Variants in CAPN2 observed in about 807,000 individuals in gnomAD.
The protein encoded by CAPN2 is calpain 2, also known as calpain-2 catalytic subunit.
Under a neutral mutation model 102.3 loss-of-function variants are expected in CAPN2, and 92 were observed. The ratio of observed to expected loss-of-function variants is 0.90; its 90% CI spans 0.76 to 1.07. The LOEUF (loss-of-function observed/expected upper bound fraction) is 1.07, where lower values mean the gene tolerates loss of function less well. Among genes scored for constraint, CAPN2 ranks in the 50% least tolerant of loss-of-function variants. The pLI, the probability that CAPN2 is intolerant of heterozygous loss-of-function variation, is 0.00. For synonymous variants in CAPN2, 340 were observed against 355.4 expected, an observed-to-expected ratio of 0.96 and a Z score of 0.49; for missense variants, 800 against 909.4, an observed-to-expected ratio of 0.88 and a Z score of 1.55.
chr1:223,703,729 A>G (rs999652638), intron 1 of CAPN2, among the ~76,000 whole-genome samples: 1 of 152,218 alleles, frequency 6.6e-6, no homozygotes, highest in African/African-American at 2.4e-5. Context: ...CTTACCCCCA[A>G]TAAGTCTCTT....
chr1:223,721,820 G>A (rs776384102), intron 2 of CAPN2, among the ~76,000 whole-genome samples: 1 of 152,210 alleles, frequency 6.6e-6, no homozygotes, highest in African/African-American at 2.4e-5. Context: ...TTCTTCTTCT[G>A]TGAAATGGGA....
intron 20 of CAPN2, among the ~76,000 whole-genome samples, chr1:223,773,923 A>C (rs1661547617): frequency 6.6e-6 from 1 of 152,062 alleles, no homozygotes; most frequent in Non-Finnish European, 1.5e-5. Context: ...AGACCCAGCT[A>C]CCCAGGAGGC....
chr1:223,755,206 ATCTCCCACTG>A lies in CAPN2; in HGVS notation c.1136-265_1136-256del, dbSNP rs1178969254. Among the ~76,000 whole-genome samples the A allele has an allele frequency of 6.6e-6, 1 of 150,414 alleles. No homozygotes were observed. Among genetic ancestry groups the A allele is most frequent in the Non-Finnish European group, 1.5e-5 (1 of 67,636 alleles). On this transcript the variant is annotated intron_variant, in intron 9 of 20. Coordinates refer to ENST00000295006, the MANE Select transcript of CAPN2 (RefSeq NM_001748.5). This position sits in a 1 kb window ranked among gnomAD's most constrained non-coding sequence, Gnocchi z 4.1. The stretch of plus-strand genomic sequence containing the variant: ...CTGCCATCCTCTGCCATCTCCCACC[ATCTCCCACTG>A]TCTCCCACAGCCTCCCACCGCCTCT...
chr1:223,722,281 C>CTTTTTTTTTTTTTTTTTTTTTTTTTTT (rs34894876), intron 2 of CAPN2, among the ~76,000 whole-genome samples: 1 of 85,514 alleles, frequency 1.2e-5, no homozygotes, highest in African/African-American at 4.3e-5. Context: ...TTCTTTCTTT[C>CTTTTTTTTTTTTTTTTTTTTTTTTTTT]TTTTTTTTTT....
At chr1:223,736,392 G>A (rs1571794758) in intron 2 of CAPN2, among the ~76,000 whole-genome samples, 2 of 152,366 alleles carry the variant, frequency 1.3e-5, no homozygotes, top group South Asian at 2.1e-4. Flanking sequence ...GTGGGAAGGT[G>A]ACAGAATCAA....
intron 12 of CAPN2, among the ~76,000 whole-genome samples, 185 bp from the exon 13 acceptor site, chr1:223,761,396 T>G (rs1306877594): frequency 6.6e-6 from 1 of 152,044 alleles, no homozygotes; most frequent in Non-Finnish European, 1.5e-5. Context: ...GCAGAAAAAT[T>G]TTTGCTTTTT....
rs1197690835 is a variant in CAPN2, at chr1:223,754,944, T to G, written c.1136-536T>G. Among the ~76,000 whole-genome samples, 1 of 152,136 alleles carries G rather than the reference T, an allele frequency of 6.6e-6. No homozygotes were observed. Among genetic ancestry groups the G allele is most frequent in the East Asian group, 1.9e-4 (1 of 5,182 alleles). On this transcript the variant is annotated intron_variant, in intron 9 of 20. Coordinates refer to ENST00000295006, the MANE Select transcript of CAPN2 (RefSeq NM_001748.5). This position sits in a 1 kb window ranked among gnomAD's most constrained non-coding sequence, Gnocchi z 4.7. ...GGGGAAGCCACAGCTCTAACCACCC[T>G]GCGTTCCAGAGTGACAGACCAGTCC...
chr1:223,737,859 G>T (rs1381555062), intron 2 of CAPN2, among the ~76,000 whole-genome samples: 1 of 152,040 alleles, frequency 6.6e-6, no homozygotes, highest in Non-Finnish European at 1.5e-5. Flanking sequence ...CACCTTAGGG[G>T]CTACAGATGG....
At chr1:223,753,902 C>G (rs748642431) in intron 9 of CAPN2, among the ~76,000 whole-genome samples, 1 of 152,096 alleles carries the variant, frequency 6.6e-6, no homozygotes, top group Non-Finnish European at 1.5e-5. Context: ...ATTCCAAAAT[C>G]CAAAAAAATC....
rs1047448727 is a variant in CAPN2, at chr1:223,775,796, T to A, written c.*939T>A. On this transcript the variant is annotated 3_prime_UTR_variant, in exon 21 of 21. Transcript: ENST00000295006. ...ATTTTGCCTTGTTGCCTTATCTTCT[T>A]CCAAATGTACTGTTAAATAAAAATA... is the stretch of plus-strand genomic sequence containing the variant. 6.6e-6 allele frequency: 1 copy of A among 152,570 alleles called. No homozygotes were observed. Among genetic ancestry groups the A allele is most frequent in the African/African-American group, 2.4e-5 (1 of 41,432 alleles). The allele number at this position is 152,570 out of a possible 1,614,324, so 9.5% of individuals were successfully genotyped here.
intron 2 of CAPN2, among the ~76,000 whole-genome samples, chr1:223,721,262 A>T (rs1260357595): frequency 1.3e-5 from 2 of 152,182 alleles, no homozygotes; most frequent in African/African-American, 2.4e-5. Flanking sequence ...CCACTGGCTG[A>T]CCCTGCAGCT....
At chr1:223,707,201 G>T (rs1471483212) in intron 1 of CAPN2, among the ~76,000 whole-genome samples, 1 of 151,870 alleles carries the variant, frequency 6.6e-6, no homozygotes, top group African/African-American at 2.4e-5. Flanking sequence ...CATTGCCATG[G>T]CCCTCTGAGA....
At chr1:223,764,091 C>G (rs977851856) in intron 14 of CAPN2, 59 bp from the exon 15 acceptor site, 6 of 1,380,064 alleles carry the variant, frequency 4.3e-6, no homozygotes, top group Non-Finnish European at 6.2e-6. Context: ...GTGTCCTGCC[C>G]TGTGCTCATC....
chr1:223,746,891 G>A, intron 4 of CAPN2, 106 bp from the exon 5 acceptor site: 1 of 945,298 alleles, frequency 1.1e-6, no homozygotes, highest in Middle Eastern at 2.9e-4. Flanking sequence ...TGTGAGCAGG[G>A]GGTCCCTGGA....
rs982840064 is a variant in CAPN2, at chr1:223,726,367, G to A, written c.307+8536G>A. Among the ~76,000 whole-genome samples, 1 of 152,186 alleles carries A rather than the reference G, an allele frequency of 6.6e-6. No homozygotes were observed. The highest frequency in any genetic ancestry group is 6.5e-5 in the Admixed American group (1 of 15,278). On this transcript the variant is annotated intron_variant, in intron 2 of 20. Transcript: ENST00000295006. The surrounding 1 kb of genome is among the most constrained non-coding windows in gnomAD (Gnocchi z 4.4). ...TCAGGAAGGAGCAGCCACCTCTGCT[G>A]GGGTACTGGAGATAAAAACTCTGAT...
At chr1:223,745,571 G>C (rs539124793) in intron 4 of CAPN2, 132 bp downstream of exon 4, 3 of 926,932 alleles carry the variant, frequency 3.2e-6, no homozygotes, top group African/African-American at 3.2e-5. Flanking sequence ...AGGAGTTCGA[G>C]ACCAGCCTGG....
chr1:223,763,084 A>C (rs1011536341), intron 14 of CAPN2, among the ~76,000 whole-genome samples: 2 of 151,874 alleles, frequency 1.3e-5, no homozygotes, highest in Non-Finnish European at 2.9e-5. Flanking sequence ...CAGCCTCCCA[A>C]AGTGCTGGAA....
chr1:223,707,191 C>CA (rs1156633473), intron 1 of CAPN2, among the ~76,000 whole-genome samples: 3 of 152,024 alleles, frequency 2.0e-5, no homozygotes, highest in Non-Finnish European at 2.9e-5. Flanking sequence ...AAAAAGATTC[C>CA]ATTGCCATGG....
chr1:223,719,188 A>G (rs1451161230), intron 2 of CAPN2, among the ~76,000 whole-genome samples: 1 of 152,208 alleles, frequency 6.6e-6, no homozygotes, highest in South Asian at 2.1e-4. Flanking sequence ...AGGAAAATCT[A>G]TTCATTAGAG....
Sources: gnomAD v4.1 joint callset for allele counts (sites outside exome capture counted in the v4.1 genomes callset) on GRCh38, gnomAD v4.1.1 for gene constraint, Gnocchi (gnomAD v3.1) non-coding constraint, MANE v1.5 for transcripts, NCBI Gene and HGNC (gene_info 2026-07-23, HGNC 2026-07-21) for gene names.